The following SPIRE1 variants were observed in gnomAD, a reference collection of about 807,000 sequenced individuals.
SPIRE1 encodes the protein protein spire homolog 1.
Under a neutral mutation model 94.1 loss-of-function variants are expected in SPIRE1, and 40 were observed. The observed-to-expected ratio is 0.43, with a 90% CI of 0.33 to 0.55. The LOEUF (loss-of-function observed/expected upper bound fraction) is 0.55. Among genes scored for constraint, SPIRE1 ranks in the 20% least tolerant of loss-of-function variants. SPIRE1 has a pLI of 0.06. For synonymous variants in SPIRE1, 376 were observed against 371.7 expected (o/e 1.01, Z -0.13); for missense variants, 838 against 975.2 (o/e 0.86, Z 1.87).
At chr18:12,546,466 C>T (rs1218939841) in intron 3 of SPIRE1, among the ~76,000 whole-genome samples, 1 of 151,988 alleles carries the variant, frequency 6.6e-6, no homozygotes, top group Non-Finnish European at 1.5e-5. Context: ...GACCTCATCT[C>T]TGCAAAAAAT....
At chr18:12,511,955 G>A (rs1190341298) in intron 5 of SPIRE1, among the ~76,000 whole-genome samples, 1 of 152,106 alleles carries the variant, frequency 6.6e-6, no homozygotes, top group Non-Finnish European at 1.5e-5. Flanking sequence ...GTCTCACTAT[G>A]TTGTCCAGGC....
At chr18:12,644,268 C>T (rs1215780776) in intron 1 of SPIRE1, among the ~76,000 whole-genome samples, 1 of 151,492 alleles carries the variant, frequency 6.6e-6, no homozygotes, top group African/African-American at 2.4e-5. Context: ...AACAATTTCC[C>T]ATCAAAAACA....
chr18:12,614,960 G>A (rs375754143), intron 2 of SPIRE1, among the ~76,000 whole-genome samples: 3 of 151,642 alleles, frequency 2.0e-5, no homozygotes, highest in Admixed American at 1.3e-4. Context: ...AGGCCAAGGC[G>A]GACGGATTGC....
At chr18:12,636,319 T>C (rs1311674251) in intron 1 of SPIRE1, 1 of 152,248 alleles carries the variant, frequency 6.6e-6, no homozygotes, top group African/African-American at 2.4e-5. Flanking sequence ...CTCCCCAGGA[T>C]TTACCCTCAC....
Position 12,657,665 on chromosome 18 carries a change from A to C in SPIRE1, c.202T>G (p.Ser68Ala), listed in dbSNP as rs2038591397. 1.5e-5 allele frequency: 20 copies of C among 1,333,500 alleles called. No homozygotes were observed. Among genetic ancestry groups the C allele is most frequent in the Non-Finnish European group, 1.9e-5 (20 of 1,040,026 alleles). 82.6% of individuals were successfully genotyped at this position (1,333,500 alleles called of 1,614,324 possible). A position where few individuals can be genotyped will look rare whatever the true frequency, so the allele number is the denominator to read the frequency against. The change falls in exon 1 of 17, where the codon TCC becomes GCC. Residue 68 changes from serine (S) to alanine (A), a missense_variant. Around this residue, in one of 2 missense-constraint regions of SPIRE1, gnomAD observed 193 missense variants for 170.5 expected, o/e 1.13. Coordinates refer to ENST00000409402, the MANE Select transcript of SPIRE1 (RefSeq NM_001128626.2). ...CGGCGGCGGGCGGCGGCGCGCAGGG[A>C]ACCGCAGCACTGGTAGCACACGGCC... The part of the protein sequence containing the change: ...AWAVCYQCCG[S>A]LRAAARRRQP...
intron 2 of SPIRE1, among the ~76,000 whole-genome samples, chr18:12,581,794 G>A (rs2144537666): frequency 6.6e-6 from 1 of 152,128 alleles, no homozygotes; most frequent in South Asian, 2.1e-4. Context: ...AACCCAGGAG[G>A]CAGAGGTTGC....
chr18:12,494,234 T>C (rs1444291945), intron 7 of SPIRE1, among the ~76,000 whole-genome samples: 1 of 152,150 alleles, frequency 6.6e-6, no homozygotes, highest in Non-Finnish European at 1.5e-5. Flanking sequence ...CGCTCTACTG[T>C]TTTTAAAACT....
intron 2 of SPIRE1, among the ~76,000 whole-genome samples, chr18:12,589,787 T>C (rs1239390884): frequency 1.3e-5 from 2 of 152,202 alleles, no homozygotes; most frequent in African/African-American, 4.8e-5. Flanking sequence ...CACTGCCTCA[T>C]TACTCATTTT....
intron 12 of SPIRE1, among the ~76,000 whole-genome samples, chr18:12,460,506 A>T (rs2143576111): frequency 6.6e-6 from 1 of 152,338 alleles, no homozygotes; most frequent in South Asian, 2.1e-4. Context: ...TGAGGTCAGG[A>T]GTTCGAGACC....
rs933979084 is a variant in SPIRE1, at chr18:12,623,254, T to C, written c.372+11808A>G. Among the ~76,000 whole-genome samples the C allele has an allele frequency of 6.0e-5, 9 of 151,028 alleles. No individual in the cohort carries two copies. The East Asian group carries it at 1.2e-3, about 20-fold the overall frequency. On this transcript the variant is annotated intron_variant, in intron 2 of 16. Coordinates refer to ENST00000409402, the MANE Select transcript of SPIRE1 (RefSeq NM_001128626.2). ...CTGCAAGCTCCACCTCCTAGGTTCATGCCATTCTCCTGCCTCAGCCTCCTG... is the reference window on the plus strand; with the variant it reads ...CTGCAAGCTCCACCTCCTAGGTTCACGCCATTCTCCTGCCTCAGCCTCCTG...
intron 12 of SPIRE1, among the ~76,000 whole-genome samples, chr18:12,462,839 A>C (rs2031921024): frequency 6.6e-6 from 1 of 151,936 alleles, no homozygotes; most frequent in African/African-American, 2.4e-5. Flanking sequence ...ACCACTGATA[A>C]ATTTTCTTGA....
At chr18:12,500,270 C>T (rs1019122909) in intron 6 of SPIRE1, among the ~76,000 whole-genome samples, 8 of 152,082 alleles carry the variant, frequency 5.3e-5, no homozygotes, top group African/African-American at 1.9e-4. Context: ...TGCACACCCG[C>T]ATCTAAATTA....
At chr18:12,549,589 G>C (rs940547988) in intron 2 of SPIRE1, among the ~76,000 whole-genome samples, 2 of 151,238 alleles carry the variant, frequency 1.3e-5, no homozygotes, top group Non-Finnish European at 3.0e-5. Context: ...GTAGCTGGGA[G>C]TACAGGTGTG....
chr18:12,571,546 CA>C (rs1408570095), intron 2 of SPIRE1, among the ~76,000 whole-genome samples: 2 of 152,084 alleles, frequency 1.3e-5, no homozygotes, highest in Non-Finnish European at 2.9e-5. Context: ...TTCAGAATAC[CA>C]GGGACATTTT....
intron 2 of SPIRE1, among the ~76,000 whole-genome samples, chr18:12,634,114 G>A (rs1385054890): frequency 6.6e-6 from 1 of 151,898 alleles, no homozygotes; most frequent in Non-Finnish European, 1.5e-5. Flanking sequence ...TGGGCGCGGT[G>A]GCGGGCGCCT....
rs565016200 is a variant in SPIRE1, at chr18:12,645,911, G to T, written c.338-10815C>A. Among the ~76,000 whole-genome samples the T allele has an allele frequency of 3.3e-5, 5 of 152,162 alleles. No individual in the cohort carries two copies. In the South Asian group the frequency reaches 1.0e-3, roughly 32 times the overall value. ...ACTCCCACACACATCCTCCGCTCCA[G>T]GCACAGGGAACACCCACTACAAAGA... On this transcript the variant is annotated intron_variant, in intron 1 of 16. Transcript: ENST00000409402.
chr18:12,460,393 A>G (rs1487662550), intron 12 of SPIRE1, among the ~76,000 whole-genome samples: 1 of 152,244 alleles, frequency 6.6e-6, no homozygotes, highest in Non-Finnish European at 1.5e-5. Context: ...AAACATCACA[A>G]GAAAAGGGAG....
intron 3 of SPIRE1, among the ~76,000 whole-genome samples, chr18:12,545,701 T>G (rs779363238): frequency 6.6e-6 from 1 of 152,106 alleles, no homozygotes; most frequent in Non-Finnish European, 1.5e-5. Flanking sequence ...TCATTACATA[T>G]AAATACCACT....
chr18:12,549,180 GA>G lies in SPIRE1; in HGVS notation c.373-2277del, dbSNP rs1174602289. Reference sequence around the variant, plus strand: ...GAGCCTAACACTGTGGTGTGCATTAGAAAAAAACTTGTTAAACTGAACCTAG... The same window carrying G: ...GAGCCTAACACTGTGGTGTGCATTAGAAAAAACTTGTTAAACTGAACCTAG... On this transcript the variant is annotated intron_variant, in intron 2 of 16. Transcript: ENST00000409402. Among the ~76,000 whole-genome samples, 7 of 152,016 alleles carry G rather than the reference GA, an allele frequency of 4.6e-5. No homozygotes were observed. The East Asian group carries it at 1.3e-3, about 29-fold the overall frequency.
Sources: allele counts gnomAD v4.1 joint callset (sites outside exome capture counted in the v4.1 genomes callset), GRCh38; gene constraint gnomAD v4.1.1; regional missense constraint gnomAD v4.1.1; transcripts MANE v1.5; gene names NCBI Gene and HGNC (gene_info 2026-07-23, HGNC 2026-07-21).